The following PIP5K1B variants were observed in gnomAD, a reference collection of about 807,000 sequenced individuals.
PIP5K1B encodes the protein phosphatidylinositol-4-phosphate 5-kinase type 1 beta.
A neutral mutation model predicts 67.0 loss-of-function variants in PIP5K1B; 42 were observed. The ratio of observed to expected loss-of-function variants is 0.63; its 90% CI spans 0.49 to 0.81. The LOEUF is 0.81. Among genes scored for constraint, PIP5K1B ranks in the 30% least tolerant of loss-of-function variants. The pLI is 0.00. For synonymous variants in PIP5K1B, 214 were observed against 231.4 expected, an observed-to-expected ratio of 0.92 and a Z score of 0.68; for missense variants, 459 against 646.3, an observed-to-expected ratio of 0.71 and a Z score of 3.14.
At chr9:68,933,032 G>A (rs200868513) in intron 12 of PIP5K1B, among the ~76,000 whole-genome samples, 1 of 151,942 alleles carries the variant, frequency 6.6e-6, no homozygotes, top group Non-Finnish European at 1.5e-5. Context: ...CCTGGGAGGC[G>A]GAGGTTGCAG....
intron 4 of PIP5K1B, among the ~76,000 whole-genome samples, chr9:68,841,103 A>G (rs965418826): frequency 9.2e-5 from 14 of 152,118 alleles, no homozygotes; most frequent in Non-Finnish European, 2.1e-4. Context: ...CTTCCATAAA[A>G]TCGATGTGCT....
intron 14 of PIP5K1B, among the ~76,000 whole-genome samples, chr9:68,952,312 C>A (rs1313019538): frequency 1.2e-4 from 18 of 152,284 alleles, no homozygotes; most frequent in Middle Eastern, 3.4e-3. Flanking sequence ...TATTGTCTTG[C>A]AGAAGTTTCC....
Position 68,896,291 on chromosome 9 carries a change from CTCT to C in PIP5K1B, c.771+1655_771+1657del, listed in dbSNP as rs566819999. ...GCTTTCTCTTTTGTGTGCTTCTTGC[CTCT>C]TTAGTATGGAAAGCCTTTATCTGCT... is the stretch of plus-strand genomic sequence containing the variant. On this transcript the variant is annotated intron_variant, in intron 8 of 15. Transcript: ENST00000265382. Among the ~76,000 whole-genome samples the C allele has an allele frequency of 1.5e-4, 23 of 151,536 alleles. No individual in the cohort carries two copies. In the East Asian group the frequency reaches 3.9e-3, roughly 26 times the overall value.
chr9:68,955,184 G>C (rs1046824934), intron 14 of PIP5K1B, among the ~76,000 whole-genome samples: 3 of 152,186 alleles, frequency 2.0e-5, no homozygotes, highest in Admixed American at 6.5e-5. Context: ...CTTGGCATAA[G>C]TGCTCAGAAA....
At chr9:68,963,539 T>C (rs1004570288) in intron 14 of PIP5K1B, among the ~76,000 whole-genome samples, 1 of 151,826 alleles carries the variant, frequency 6.6e-6, no homozygotes, top group Admixed American at 6.6e-5. Context: ...AAAGGAACCA[T>C]TCTAAGCCCA....
chr9:68,857,054 G>A (rs1234200355), intron 4 of PIP5K1B, among the ~76,000 whole-genome samples: 1 of 152,192 alleles, frequency 6.6e-6, no homozygotes, highest in Non-Finnish European at 1.5e-5. Flanking sequence ...GTCAGAGGGA[G>A]ACAGAGATTT....
chr9:68,875,295 CAAAAAAAAAAAAAAA>C (rs147022066), intron 5 of PIP5K1B, among the ~76,000 whole-genome samples: 1 of 44,872 alleles, frequency 2.2e-5, no homozygotes, highest in South Asian at 1.7e-3. Context: ...TGGTACTCAG[CAAAAAAAAAAAAAAA>C]AAAAAAAAAA....
Position 68,919,661 on chromosome 9 carries a change from AT to A in PIP5K1B, c.1068-15del. The A allele has an allele frequency of 2.0e-6, 3 of 1,497,804 alleles. No individual in the cohort carries two copies. The highest frequency in any genetic ancestry group is 1.7e-4 in the Middle Eastern group (1 of 5,742). 92.8% of individuals were successfully genotyped at this position (1,497,804 alleles called of 1,614,324 possible). A position where few individuals can be genotyped will look rare whatever the true frequency, so the allele number is the denominator to read the frequency against. On this transcript the variant is annotated intron_variant, in intron 10 of 15. Coordinates refer to ENST00000265382, the MANE Select transcript of PIP5K1B (RefSeq NM_003558.4). ...AGAGTGATTTTACATTCTCATTTCA[AT>A]TTTTCCATTTATATTTAGGTTAATG... is the stretch of plus-strand genomic sequence containing the variant.
intron 5 of PIP5K1B, among the ~76,000 whole-genome samples, chr9:68,865,405 G>T (rs1265855462): frequency 6.6e-6 from 1 of 151,994 alleles, no homozygotes; most frequent in Non-Finnish European, 1.5e-5. Flanking sequence ...CATAATGCTT[G>T]TAAGTGTGTT....
intron 4 of PIP5K1B, among the ~76,000 whole-genome samples, chr9:68,851,400 G>A (rs947676856): frequency 9.2e-5 from 14 of 152,346 alleles, no homozygotes; most frequent in East Asian, 1.9e-4. Context: ...TGGAGTGTTC[G>A]TGCCAGCCTA....
rs1827373803 is a variant in PIP5K1B at position 68,938,232 on chromosome 9, T to G, written c.1358-2414T>G. On this transcript the variant is annotated intron_variant, in intron 13 of 15. Transcript: ENST00000265382. ...CTCCTGCTATTATTGTGTGGGAGTC[T>G]AAGTCTCTTTGTAGGTCTCTCAGAA... is the stretch of plus-strand genomic sequence containing the variant. Among the ~76,000 whole-genome samples the G allele has an allele frequency of 2.0e-5, 3 of 152,232 alleles. No individual in the cohort carries two copies. In the South Asian group the frequency reaches 6.2e-4, roughly 31 times the overall value.
At position 68,868,915 on chromosome 9, in the gene PIP5K1B, T is replaced by TGTCCC. The variant is rs1453023198; in HGVS notation, c.200+4948_200+4949insGTCCC. Reference sequence around the variant, plus strand: ...GACCCACATGCACTTCAGGATTTATTTGGACAGCCAGGGAATACCCACCTT... The same window carrying TGTCCC: ...GACCCACATGCACTTCAGGATTTATTGTCCCTGGACAGCCAGGGAATACCCACCTT... On this transcript the variant is annotated intron_variant, in intron 5 of 15. Coordinates refer to ENST00000265382, the MANE Select transcript of PIP5K1B (RefSeq NM_003558.4). 2.9e-3 allele frequency among the ~76,000 whole-genome samples: 443 copies of TGTCCC among 152,322 alleles called. 3 individuals are homozygous for TGTCCC. The highest frequency in any genetic ancestry group is 7.3e-3 in the Admixed American group (112 of 15,304).
At chr9:68,880,837 C>A (rs1187964571) in intron 6 of PIP5K1B, among the ~76,000 whole-genome samples, 1 of 152,186 alleles carries the variant, frequency 6.6e-6, no homozygotes, top group Non-Finnish European at 1.5e-5. Context: ...TGTGCCTGCA[C>A]TGGGGACACC....
intron 14 of PIP5K1B, among the ~76,000 whole-genome samples, chr9:68,945,872 T>C (rs1418843484): frequency 6.6e-6 from 1 of 152,268 alleles, no homozygotes; most frequent in Non-Finnish European, 1.5e-5. Context: ...ATACAAGTTC[T>C]CGTCTTCATC....
chr9:68,933,951 C>T (rs1451543781), intron 12 of PIP5K1B, among the ~76,000 whole-genome samples: 1 of 152,132 alleles, frequency 6.6e-6, no homozygotes, highest in African/African-American at 2.4e-5. Flanking sequence ...AACACAATTA[C>T]TCTAATACAC....
intron 14 of PIP5K1B, 22 bp from the exon 15 acceptor site, chr9:68,991,118 T>C (rs1830343676): frequency 7.5e-7 from 1 of 1,337,068 alleles, no homozygotes; most frequent in East Asian, 2.3e-5. Flanking sequence ...CTCATGCCCA[T>C]CATTCATCTT....
Position 68,992,562 on chromosome 9 carries a change from A to G in PIP5K1B, c.1620+1305A>G, listed in dbSNP as rs546777599. ...TGGAGTAGTATCCAAAGTCCTGGCC[A>G]GGCATGGTGGCTCATGCCTCTAATC... On this transcript the variant is annotated intron_variant, in intron 15 of 15. Transcript: ENST00000265382. Among the ~76,000 whole-genome samples the G allele has an allele frequency of 2.5e-4, 38 of 152,188 alleles. No homozygotes were observed. The South Asian group carries it at 3.1e-3, about 12-fold the overall frequency.
intron 2 of PIP5K1B, among the ~76,000 whole-genome samples, chr9:68,816,167 C>T (rs940885991): frequency 1.4e-4 from 22 of 152,062 alleles, no homozygotes; most frequent in African/African-American, 4.8e-4. Flanking sequence ...TCATTCTTGT[C>T]GTCCAGGCTG....
At chr9:68,766,972 G>T (rs1830457700) in intron 2 of PIP5K1B, among the ~76,000 whole-genome samples, 1 of 152,102 alleles carries the variant, frequency 6.6e-6, no homozygotes, top group Admixed American at 6.6e-5. Flanking sequence ...CAAAGTGCAG[G>T]CCCCCAGATA....
Sources: allele counts gnomAD v4.1 joint callset (sites outside exome capture counted in the v4.1 genomes callset), GRCh38; gene constraint gnomAD v4.1.1; transcripts MANE v1.5; gene names NCBI Gene and HGNC (gene_info 2026-07-23, HGNC 2026-07-21).